ZNF621: variants seen among roughly 807,000 people sequenced by gnomAD.
ZNF621 encodes the protein zinc finger protein 621.
ZNF621 carries 6 observed loss-of-function variants against 12.7 expected under a neutral mutation model. That is an observed-to-expected ratio of 0.47 (90% CI 0.26 to 0.93). The LOEUF (loss-of-function observed/expected upper bound fraction) is 0.93, where lower values mean the gene tolerates loss of function less well. Ranked by LOEUF, ZNF621 falls within the 40% of genes least tolerant of loss-of-function variation. ZNF621 has a pLI of 0.15. For missense variants in ZNF621, 474 were observed against 524.0 expected (o/e 0.90, Z 0.93); for synonymous variants, 156 against 190.3 (o/e 0.82, Z 1.48).
chr3:40,529,216 G>C, intron 2 of ZNF621, 103 bp from the exon 3 acceptor site: 1 of 1,407,130 alleles, frequency 7.1e-7, no homozygotes, highest in Non-Finnish European at 9.7e-7. Flanking sequence ...ATGGGGCTCA[G>C]AGTTGTGGAT....
chr3:40,527,255 G>A (rs1375319269), intron 2 of ZNF621, among the ~76,000 whole-genome samples: 1 of 152,052 alleles, frequency 6.6e-6, no homozygotes, highest in East Asian at 1.9e-4. Flanking sequence ...GACCTCAGGT[G>A]ATCCGCCTGC....
Position 40,537,928 on chromosome 3 carries a change from G to A in ZNF621, c.*4838G>A, listed in dbSNP as rs1304131162. On this transcript the variant is annotated 3_prime_UTR_variant, in exon 5 of 5. Coordinates refer to ENST00000339296, the MANE Select transcript of ZNF621 (RefSeq NM_198484.5). ...AGTGTATTCCAAACAGCCTTCTTTT[G>A]GAAGAAGAAACCATCTAGGACTTTC... is the stretch of plus-strand genomic sequence containing the variant. Among the ~76,000 whole-genome samples, 3 of 152,276 alleles carry A rather than the reference G, an allele frequency of 2.0e-5. No individual in the cohort carries two copies. The highest frequency in any genetic ancestry group is 7.2e-5 in the African/African-American group (3 of 41,554).
Position 40,534,693 on chromosome 3 carries a change from A to G in ZNF621, c.*1603A>G, listed in dbSNP as rs1238478919. On this transcript the variant is annotated 3_prime_UTR_variant, in exon 5 of 5. Coordinates refer to ENST00000339296, the MANE Select transcript of ZNF621 (RefSeq NM_198484.5). Reference sequence around the variant, plus strand: ...CCATACTTTGAGAGATATGCTTCAAACAGAAAATGCCCACCCCTCCTCCTT... The same window carrying G: ...CCATACTTTGAGAGATATGCTTCAAGCAGAAAATGCCCACCCCTCCTCCTT... The G allele has an allele frequency of 6.6e-6, 1 of 152,206 alleles. No individual in the cohort carries two copies. Among genetic ancestry groups the G allele is most frequent in the African/African-American group, 2.4e-5 (1 of 41,450 alleles). 9.4% of individuals were successfully genotyped at this position (152,206 alleles called of 1,614,324 possible).
rs1345894165 is a variant in ZNF621 at position 40,535,467 on chromosome 3, C to T, written c.*2377C>T. 6.6e-6 allele frequency: 1 copy of T among 152,240 alleles called. No homozygotes were observed. The highest frequency in any genetic ancestry group is 2.4e-5 in the African/African-American group (1 of 41,440). 9.4% of individuals were successfully genotyped at this position (152,240 alleles called of 1,614,324 possible). On this transcript the variant is annotated 3_prime_UTR_variant, in exon 5 of 5. Transcript: ENST00000339296. Reference sequence around the variant, plus strand: ...CAGGAAAAATGACCAACCACAGAACCAAGTGGTTCCAGTGGAAACTCAGCA... The same window carrying T: ...CAGGAAAAATGACCAACCACAGAACTAAGTGGTTCCAGTGGAAACTCAGCA...
At chr3:40,528,651 T>C (rs1005501701) in intron 2 of ZNF621, among the ~76,000 whole-genome samples, 4 of 152,374 alleles carry the variant, frequency 2.6e-5, no homozygotes, top group African/African-American at 9.6e-5. Flanking sequence ...TTTCACATCC[T>C]GGCCAGCATT....
intron 4 of ZNF621, 29 bp downstream of exon 4, chr3:40,530,345 T>C: frequency 6.3e-7 from 1 of 1,586,078 alleles, no homozygotes; most frequent in Non-Finnish European, 8.6e-7. Context: ...TGGTGAAGTT[T>C]CTTGTTTTGC....
At chr3:40,529,563 C>T (rs1302808631) in intron 3 of ZNF621, 118 bp downstream of exon 3, 4 of 1,586,188 alleles carry the variant, frequency 2.5e-6, no homozygotes, top group South Asian at 1.1e-5. Context: ...TCAGCAGCCT[C>T]CAGAAATACT....
Position 40,532,819 on chromosome 3 carries a change from T to G in ZNF621, c.1049T>G (p.Val350Gly), listed in dbSNP as rs772008210. ...LHPVEKKPVKVLGPSLVSPQC... is the reference protein window; with the variant it reads ...LHPVEKKPVKGLGPSLVSPQC... ...CCTGTGGAGAAGAAGCCAGTCAAGG[T>G]CCTTGGGCCATCCCTGGTCAGTCCC... is the stretch of plus-strand genomic sequence containing the variant. Residue 350 changes from valine (V) to glycine (G), a missense_variant, in exon 5 of 5, where the codon GTC becomes GGC. Coordinates refer to ENST00000339296, the MANE Select transcript of ZNF621 (RefSeq NM_198484.5). 6.2e-7 allele frequency: 1 copy of G among 1,614,166 alleles called. No individual in the cohort carries two copies. Among genetic ancestry groups the G allele is most frequent in the Non-Finnish European group, 8.5e-7 (1 of 1,180,018 alleles).
At chr3:40,529,097 G>C (rs1698656684) in intron 2 of ZNF621, among the ~76,000 whole-genome samples, 1 of 152,214 alleles carries the variant, frequency 6.6e-6, no homozygotes, top group Non-Finnish European at 1.5e-5. Flanking sequence ...ACGGGCTCCA[G>C]AGCTGGGTAG....
chr3:40,527,368 G>A (rs924539613), intron 2 of ZNF621, among the ~76,000 whole-genome samples: 31 of 147,682 alleles, frequency 2.1e-4, no homozygotes, highest in African/African-American at 7.5e-4. Context: ...GTCTCACTCT[G>A]CCACCCAGGC....
chr3:40,529,653 C>T (rs909630023), intron 3 of ZNF621: 26 of 1,328,884 alleles, frequency 2.0e-5, no homozygotes, highest in South Asian at 5.0e-5. Context: ...GACAGAGTCT[C>T]GCTCTGTCAC....
At position 40,535,425 on chromosome 3, in the gene ZNF621, G is replaced by C. The variant is rs1429631704; in HGVS notation, c.*2335G>C. On this transcript the variant is annotated 3_prime_UTR_variant, in exon 5 of 5. Coordinates refer to ENST00000339296, the MANE Select transcript of ZNF621 (RefSeq NM_198484.5). ...TGTCTAAGAGGAGCTAAGCTGGGAT[G>C]CCACATAGGCAGAAGCCAGGAAAAA... The C allele has an allele frequency of 6.6e-6, 1 of 152,246 alleles. No individual in the cohort carries two copies. The highest frequency in any genetic ancestry group is 1.9e-4 in the East Asian group (1 of 5,202). The allele number at this position is 152,246 out of a possible 1,614,324, so 9.4% of individuals were successfully genotyped here.
At chr3:40,525,886 T>C (rs757474190) in intron 2 of ZNF621, 22 bp downstream of exon 2, 3 of 1,611,542 alleles carry the variant, frequency 1.9e-6, no homozygotes, top group Admixed American at 3.4e-5. Context: ...TTCTTTCAGT[T>C]TTTTTGTTTG....
At position 40,530,362 on chromosome 3, in the gene ZNF621, G is replaced by A. The variant is rs200153819; in HGVS notation, c.259+46G>A. On this transcript the variant is annotated intron_variant, in intron 4 of 4. Coordinates refer to ENST00000339296, the MANE Select transcript of ZNF621 (RefSeq NM_198484.5). ...GTGAAGTTTCTTGTTTTGCCTTCCT[G>A]GTTTACTAGGTAAGAAGTGTTTCTT... is the stretch of plus-strand genomic sequence containing the variant. 2.0e-6 allele frequency: 3 copies of A among 1,476,752 alleles called. No homozygotes were observed. In the East Asian group the frequency reaches 6.8e-5, roughly 34 times the overall value. The allele number at this position is 1,476,752 out of a possible 1,614,324, so 91.5% of individuals were successfully genotyped here.
In ZNF621 at chr3:40,533,225, C is replaced by G. The variant is rs778888534; in HGVS notation, c.*135C>G. Reference sequence around the variant, plus strand: ...GTGTGATCTTGGCTCACTGCAACCTCCCCCTCCTGGGTTCAAGCGATTCTC... The same window carrying G: ...GTGTGATCTTGGCTCACTGCAACCTGCCCCTCCTGGGTTCAAGCGATTCTC... On this transcript the variant is annotated 3_prime_UTR_variant, in exon 5 of 5. Coordinates refer to ENST00000339296, the MANE Select transcript of ZNF621 (RefSeq NM_198484.5). The G allele has an allele frequency of 2.0e-5, 28 of 1,384,226 alleles. No individual in the cohort carries two copies. Among genetic ancestry groups the G allele is most frequent in the Non-Finnish European group, 2.6e-5 (27 of 1,051,046 alleles). The allele number at this position is 1,384,226 out of a possible 1,614,324, so 85.7% of individuals were successfully genotyped here.
At chr3:40,523,798 A>AC (rs1351473025), upstream of ZNF621, among the ~76,000 whole-genome samples, 7 of 125,180 alleles carry the variant, frequency 5.6e-5, no homozygotes, top group African/African-American at 2.7e-4. Context: ...CAAGCAAAAA[A>AC]AAAAAAAACA....
chr3:40,536,390 A>G lies in ZNF621; in HGVS notation c.*3300A>G, dbSNP rs1319646471. The G allele has an allele frequency of 6.6e-6, 1 of 152,216 alleles. No homozygotes were observed. The highest frequency in any genetic ancestry group is 1.5e-5 in the Non-Finnish European group (1 of 68,044). The allele number at this position is 152,216 out of a possible 1,614,324, so 9.4% of individuals were successfully genotyped here. A position where few individuals can be genotyped will look rare whatever the true frequency, so the allele number is the denominator to read the frequency against. On this transcript the variant is annotated 3_prime_UTR_variant, in exon 5 of 5. Coordinates refer to ENST00000339296, the MANE Select transcript of ZNF621 (RefSeq NM_198484.5). ...TGAGCCACTGCACCTGGCCTGTAAC[A>G]TGATTTGCTGAAATTTTTAAAAATC...
chr3:40,534,254 T>C lies in ZNF621; in HGVS notation c.*1164T>C, dbSNP rs2125678892. 1 of 152,220 alleles carries C rather than the reference T, an allele frequency of 6.6e-6. No individual in the cohort carries two copies. Among genetic ancestry groups the C allele is most frequent in the African/African-American group, 2.4e-5 (1 of 41,564 alleles). The allele number at this position is 152,220 out of a possible 1,614,324, so 9.4% of individuals were successfully genotyped here. ...AATCTGAATAAGCTTCCAAAATTTT[T>C]TTTTTTAAGAAATAAAGGGAGCTGT... On this transcript the variant is annotated 3_prime_UTR_variant, in exon 5 of 5. Coordinates refer to ENST00000339296, the MANE Select transcript of ZNF621 (RefSeq NM_198484.5).
intron 2 of ZNF621, among the ~76,000 whole-genome samples, chr3:40,528,161 G>A (rs58767595): frequency 0.025 from 3,871 of 152,196 alleles, 68 homozygotes; most frequent in South Asian, 0.091. Flanking sequence ...CCTTAGTCCC[G>A]TCCCAATTGA....
Sources: allele counts gnomAD v4.1 joint callset (sites outside exome capture counted in the v4.1 genomes callset), GRCh38; gene constraint gnomAD v4.1.1; transcripts MANE v1.5; gene names NCBI Gene and HGNC (gene_info 2026-07-23, HGNC 2026-07-21).